The following HIBADH variants were observed in gnomAD, a reference collection of about 807,000 sequenced individuals.
The protein encoded by HIBADH is 3-hydroxyisobutyrate dehydrogenase.
HIBADH carries 25 observed loss-of-function variants against 36.1 expected under a neutral mutation model. That is an observed-to-expected ratio of 0.69 (90% CI 0.50 to 0.97). The LOEUF (loss-of-function observed/expected upper bound fraction) is 0.97. HIBADH is among the 50% of genes least tolerant of loss of function. HIBADH has a pLI of 0.00. For synonymous variants in HIBADH, 160 were observed against 149.5 expected (o/e 1.07, Z -0.51); for missense variants, 421 against 418.0 (o/e 1.01, Z -0.06).
chr7:27,618,069 A>G (rs1785465031), intron 4 of HIBADH, among the ~76,000 whole-genome samples: 1 of 152,158 alleles, frequency 6.6e-6, no homozygotes, highest in Non-Finnish European at 1.5e-5. Flanking sequence ...GCAATTCACA[A>G]ACCCTGTGCT....
chr7:27,596,476 T>C (rs1785035861), intron 4 of HIBADH, among the ~76,000 whole-genome samples: 1 of 152,226 alleles, frequency 6.6e-6, no homozygotes, highest in Admixed American at 6.5e-5. Context: ...ATGAAAAGAC[T>C]GGCAACATCT....
intron 4 of HIBADH, among the ~76,000 whole-genome samples, chr7:27,555,128 A>G (rs1026148572): frequency 3.9e-5 from 6 of 152,048 alleles, no homozygotes; most frequent in Non-Finnish European, 8.8e-5. Flanking sequence ...GTAGTTTAAA[A>G]ATTATTTTAT....
chr7:27,633,423 C>T (rs1562652769), intron 2 of HIBADH, among the ~76,000 whole-genome samples: 2 of 151,996 alleles, frequency 1.3e-5, no homozygotes, highest in Non-Finnish European at 1.5e-5. Flanking sequence ...TTTGGGAGGC[C>T]GGAGCAGAAG....
At position 27,633,067 on chromosome 7, in the gene HIBADH, C is replaced by T. The variant is rs140455186; in HGVS notation, c.253-622G>A. On this transcript the variant is annotated intron_variant, in intron 2 of 7. Transcript: ENST00000265395. ...CAGGAAGGCTAACAGTATGAGCTAC[C>T]GAAACTTACGTGGAAACTACATACA... 8.0e-3 allele frequency among the ~76,000 whole-genome samples: 1,213 copies of T among 152,196 alleles called. 12 individuals are homozygous for T. The highest frequency in any genetic ancestry group is 0.012 in the Non-Finnish European group (842 of 68,026).
chr7:27,538,211 T>C, intron 6 of HIBADH, 130 bp downstream of exon 6: 3 of 701,542 alleles, frequency 4.3e-6, no homozygotes, highest in South Asian at 3.7e-5. Flanking sequence ...TAAAGTTCAA[T>C]AATGAAGTAC....
chr7:27,560,928 C>A (rs1784456953), intron 4 of HIBADH, among the ~76,000 whole-genome samples: 1 of 152,162 alleles, frequency 6.6e-6, no homozygotes, highest in South Asian at 2.1e-4. Flanking sequence ...ACCAACAGTG[C>A]AAAAGGGTTC....
chr7:27,633,572 T>G (rs574817944), intron 2 of HIBADH, among the ~76,000 whole-genome samples: 1 of 152,158 alleles, frequency 6.6e-6, no homozygotes, highest in African/African-American at 2.4e-5. Flanking sequence ...GATGGGAGGA[T>G]AACTTAAGTC....
intron 1 of HIBADH, among the ~76,000 whole-genome samples, chr7:27,651,296 A>G (rs1179002266): frequency 6.6e-6 from 1 of 152,200 alleles, no homozygotes; most frequent in Non-Finnish European, 1.5e-5. Flanking sequence ...CACTTCCATT[A>G]AATGTGGGTG....
At chr7:27,631,140 C>T (rs1436648080) in intron 3 of HIBADH, among the ~76,000 whole-genome samples, 6 of 152,146 alleles carry the variant, frequency 3.9e-5, no homozygotes, top group Admixed American at 3.9e-4. Context: ...AGGATATTAA[C>T]AAATGTAGGG....
intron 2 of HIBADH, among the ~76,000 whole-genome samples, chr7:27,648,450 T>G (rs1178781671): frequency 6.6e-6 from 1 of 152,246 alleles, no homozygotes; most frequent in Non-Finnish European, 1.5e-5. Context: ...AAATGGCTTC[T>G]AAGTTACCTA....
chr7:27,540,231 T>C (rs1426671646), intron 5 of HIBADH, among the ~76,000 whole-genome samples: 3 of 152,202 alleles, frequency 2.0e-5, no homozygotes, highest in Admixed American at 1.3e-4. Context: ...GAAAGGAGTC[T>C]TGAATAATCA....
chr7:27,644,853 T>G (rs377493024), intron 2 of HIBADH, among the ~76,000 whole-genome samples: 2 of 152,190 alleles, frequency 1.3e-5, no homozygotes, highest in African/African-American at 4.8e-5. Context: ...AAGCAACCAC[T>G]GATCTACTTT....
In HIBADH at chr7:27,543,085, C is replaced by T. The variant is rs768479109; in HGVS notation, c.500G>A (p.Arg167Gln). 1.3e-5 allele frequency: 21 copies of T among 1,613,582 alleles called. No homozygotes were observed. The highest frequency in any genetic ancestry group is 5.0e-5 in the Admixed American group (3 of 59,944). The change falls in exon 5 of 8, where the codon CGA becomes CAA. Residue 167 changes from arginine (R) to glutamine (Q), a missense_variant. Arg to Gln is a conservative substitution (Grantham distance 43). Coordinates refer to ENST00000265395, the MANE Select transcript of HIBADH (RefSeq NM_152740.4). ...APVSGGVGAA[R>Q]SGNLTFMVGG... ...CACCATAAACGTGAGGTTCCCAGAT[C>T]GTGCAGCTCCTACACCTGAATCATT...
chr7:27,559,619 A>C (rs1014807412), intron 4 of HIBADH, among the ~76,000 whole-genome samples: 1 of 152,140 alleles, frequency 6.6e-6, no homozygotes, highest in African/African-American at 2.4e-5. Context: ...CCTAGGTGAC[A>C]GAGCAAGACT....
At chr7:27,586,960 G>A (rs953769268) in intron 4 of HIBADH, among the ~76,000 whole-genome samples, 1 of 152,212 alleles carries the variant, frequency 6.6e-6, no homozygotes, top group African/African-American at 2.4e-5. Flanking sequence ...CAGTCTGGGC[G>A]GTGCCGTCCA....
At chr7:27,570,395 T>C (rs1784611670) in intron 4 of HIBADH, among the ~76,000 whole-genome samples, 1 of 152,208 alleles carries the variant, frequency 6.6e-6, no homozygotes, top group African/African-American at 2.4e-5. Flanking sequence ...GGAGGTCTGC[T>C]ATTAACACAA....
chr7:27,610,299 T>G (rs1217578484), intron 4 of HIBADH, among the ~76,000 whole-genome samples: 2 of 152,188 alleles, frequency 1.3e-5, no homozygotes, highest in African/African-American at 4.8e-5. Flanking sequence ...TTTGGACATA[T>G]GCAAATACCC....
intron 4 of HIBADH, among the ~76,000 whole-genome samples, chr7:27,586,597 T>G (rs1258459511): frequency 1.3e-5 from 2 of 148,674 alleles, no homozygotes; most frequent in Admixed American, 6.7e-5. Flanking sequence ...ACTTTTTAAC[T>G]CTGTTCTTGA....
chr7:27,571,059 T>A (rs1031416782), intron 4 of HIBADH, among the ~76,000 whole-genome samples: 2 of 152,106 alleles, frequency 1.3e-5, no homozygotes, highest in African/African-American at 4.8e-5. Flanking sequence ...TTCCAACTCT[T>A]TCTGTAGTAC....
Sources: allele counts gnomAD v4.1 joint callset (sites outside exome capture counted in the v4.1 genomes callset), GRCh38; gene constraint gnomAD v4.1.1; transcripts MANE v1.5; gene names NCBI Gene and HGNC (gene_info 2026-07-23, HGNC 2026-07-21).